Variants in PDE4D observed in about 807,000 individuals in gnomAD.
PDE4D encodes the protein 3',5'-cyclic-AMP phosphodiesterase 4D.
Under a neutral mutation model 87.4 loss-of-function variants are expected in PDE4D, and 24 were observed. The ratio of observed to expected loss-of-function variants is 0.27; its 90% CI spans 0.20 to 0.39. The LOEUF (loss-of-function observed/expected upper bound fraction) is 0.39. Ranked by LOEUF, PDE4D falls within the 10% of genes least tolerant of loss-of-function variation. The probability of loss-of-function intolerance (pLI) is 1.00; values close to 1 mark genes in which losing one functional copy is unlikely to be tolerated. For synonymous variants in PDE4D, 384 were observed against 383.2 expected, an observed-to-expected ratio of 1.00 and a Z score of -0.02; for missense variants, 714 against 1,041.0, an observed-to-expected ratio of 0.69 and a Z score of 4.32.
intron 3 of PDE4D, 133 bp downstream of exon 3, chr5:59,193,367 T>A: frequency 1.1e-6 from 1 of 870,762 alleles, no homozygotes; most frequent in Non-Finnish European, 1.8e-6. Context: ...TTTGAATTGC[T>A]TGAATGAACC....
intron 1 of PDE4D, among the ~76,000 whole-genome samples, chr5:59,557,311 T>G (rs1554026278): frequency 6.6e-6 from 1 of 152,228 alleles, no homozygotes; most frequent in Non-Finnish European, 1.5e-5. Flanking sequence ...TACATAAATT[T>G]GCAATGTATA....
At chr5:59,530,870 G>T (rs1238371954) in intron 1 of PDE4D, among the ~76,000 whole-genome samples, 3 of 152,172 alleles carry the variant, frequency 2.0e-5, no homozygotes, top group Non-Finnish European at 4.4e-5. Flanking sequence ...CCCTTTGAAG[G>T]GGTATAAGCT....
intron 1 of PDE4D, among the ~76,000 whole-genome samples, chr5:59,574,411 T>C (rs1185933141): frequency 6.6e-6 from 1 of 151,710 alleles, no homozygotes; most frequent in Non-Finnish European, 1.5e-5. Flanking sequence ...ACAAATTAAA[T>C]AATGTATTAT....
At chr5:59,863,086 G>C (rs1211761029) in intron 1 of PDE4D, among the ~76,000 whole-genome samples, 2 of 152,190 alleles carry the variant, frequency 1.3e-5, no homozygotes, top group Non-Finnish European at 2.9e-5. Flanking sequence ...TAGGGCATTA[G>C]ATGATCTTCT....
upstream of PDE4D, chr5:60,489,813 T>A (rs1421144430): frequency 1.3e-5 from 2 of 152,178 alleles, no homozygotes; most frequent in Non-Finnish European, 2.9e-5. Context: ...GACTCCCTGC[T>A]TCTCATCTCC....
intron 1 of PDE4D, among the ~76,000 whole-genome samples, chr5:59,244,455 T>C (rs1000764748): frequency 1.3e-5 from 2 of 150,942 alleles, no homozygotes; most frequent in African/African-American, 4.9e-5. Context: ...CACACACATA[T>C]ATATATATAC....
At chr5:60,059,848 G>A (rs909599439) in intron 2 of PDE4D, among the ~76,000 whole-genome samples, 4 of 151,858 alleles carry the variant, frequency 2.6e-5, no homozygotes, top group African/African-American at 9.7e-5. Context: ...CAAAATAATA[G>A]CTCCAGACAA....
At chr5:59,950,597 A>G (rs1189375680) in intron 3 of PDE4D, among the ~76,000 whole-genome samples, 1 of 152,106 alleles carries the variant, frequency 6.6e-6, no homozygotes, top group East Asian at 1.9e-4. Flanking sequence ...TAATAATGTG[A>G]ACACTACTTG....
chr5:59,884,301 T>C (rs1012938522), intron 1 of PDE4D, among the ~76,000 whole-genome samples: 8 of 150,734 alleles, frequency 5.3e-5, no homozygotes, highest in African/African-American at 1.5e-4. Context: ...CATATATATA[T>C]ACACACACAT....
intron 3 of PDE4D, among the ~76,000 whole-genome samples, chr5:59,976,524 A>G (rs1488190549): frequency 6.6e-6 from 1 of 152,164 alleles, no homozygotes; most frequent in Admixed American, 6.6e-5. Context: ...TGCCATGAAT[A>G]AAAGCTTCCT....
intron 1 of PDE4D, among the ~76,000 whole-genome samples, chr5:59,886,541 G>T (rs992022596): frequency 2.6e-5 from 4 of 151,840 alleles, no homozygotes; most frequent in African/African-American, 9.7e-5. Context: ...AAAAAATAAA[G>T]AAAAGAAAAA....
At chr5:60,106,522 C>T (rs1249857817) in intron 2 of PDE4D, among the ~76,000 whole-genome samples, 1 of 152,144 alleles carries the variant, frequency 6.6e-6, no homozygotes, top group Non-Finnish European at 1.5e-5. Flanking sequence ...TAGACATATA[C>T]AGAACTCTCC....
intron 11 of PDE4D, among the ~76,000 whole-genome samples, chr5:58,986,770 A>AAAGAATG (rs1746521571): frequency 6.6e-6 from 1 of 152,172 alleles, no homozygotes; most frequent in Non-Finnish European, 1.5e-5. Context: ...TAAGGGCTCA[A>AAAGAATG]AAGAATGAAG....
chr5:60,476,459 C>A (rs1748331758), intron 1 of PDE4D, among the ~76,000 whole-genome samples: 1 of 152,152 alleles, frequency 6.6e-6, no homozygotes, highest in Admixed American at 6.5e-5. Context: ...AACTTCCACC[C>A]TTGCTCCCTA....
chr5:59,350,610 C>T (rs1177610841), intron 1 of PDE4D, among the ~76,000 whole-genome samples: 1 of 152,124 alleles, frequency 6.6e-6, no homozygotes, highest in East Asian at 1.9e-4. Flanking sequence ...TAATATGTAC[C>T]ACACACTCTT....
At chr5:59,276,677 T>C (rs181021086) in intron 1 of PDE4D, among the ~76,000 whole-genome samples, 143 of 152,188 alleles carry the variant, frequency 9.4e-4, no homozygotes, top group African/African-American at 3.4e-3. Context: ...GGCTGTTCCC[T>C]TGCACAATGT....
Position 59,239,339 on chromosome 5 carries a change from C to G in PDE4D, c.456-23371G>C, listed in dbSNP as rs571790492. Among the ~76,000 whole-genome samples the G allele has an allele frequency of 1.2e-3, 176 of 152,246 alleles. 1 individual carries two copies. The highest frequency in any genetic ancestry group is 4.0e-3 in the African/African-American group (165 of 41,554). ...TACCACCTGTGAAATTCTCCTCAACCCTGCTCTCTGCCTCTGAATTCCTGG... is the reference window on the plus strand; with the variant it reads ...TACCACCTGTGAAATTCTCCTCAACGCTGCTCTCTGCCTCTGAATTCCTGG... On this transcript the variant is annotated intron_variant, in intron 1 of 14. Coordinates refer to ENST00000340635, the MANE Select transcript of PDE4D (RefSeq NM_001104631.2).
At chr5:59,676,486 C>T (rs1208715771) in intron 1 of PDE4D, among the ~76,000 whole-genome samples, 1 of 152,110 alleles carries the variant, frequency 6.6e-6, no homozygotes, top group Non-Finnish European at 1.5e-5. Flanking sequence ...ACCAAAGGGA[C>T]ATATTAATTT....
intron 3 of PDE4D, among the ~76,000 whole-genome samples, chr5:59,903,869 T>A (rs752730058): frequency 1.3e-5 from 2 of 152,156 alleles, no homozygotes; most frequent in African/African-American, 2.4e-5. Flanking sequence ...TCTGTGGACA[T>A]TGTCAATTTC....
Sources: gnomAD v4.1 joint callset for allele counts (sites outside exome capture counted in the v4.1 genomes callset) on GRCh38, gnomAD v4.1.1 for gene constraint, MANE v1.5 for transcripts, NCBI Gene and HGNC (gene_info 2026-07-23, HGNC 2026-07-21) for gene names.